Variants in DSCC1 observed in about 807,000 individuals in gnomAD.
DSCC1 encodes the protein DNA replication and sister chromatid cohesion 1.
In DSCC1, 32 loss-of-function variants were observed where a neutral mutation model predicts 48.2. The ratio of observed to expected loss-of-function variants is 0.66; its 90% CI spans 0.50 to 0.89. The LOEUF (loss-of-function observed/expected upper bound fraction) is 0.89, where lower values mean the gene tolerates loss of function less well. Ranked by LOEUF, DSCC1 falls within the 40% of genes least tolerant of loss-of-function variation. The pLI is 0.00. For missense variants in DSCC1, 421 were observed against 471.7 expected, an observed-to-expected ratio of 0.89 and a Z score of 1.00; for synonymous variants, 150 against 171.5, an observed-to-expected ratio of 0.87 and a Z score of 0.98.
chr8:119,843,811 C>T, intron 4 of DSCC1, 64 bp from the exon 5 acceptor site: 1 of 1,518,456 alleles, frequency 6.6e-7, no homozygotes, highest in Non-Finnish European at 8.9e-7. Context: ...GGTCTCAACT[C>T]TGTCACCCAA....
In DSCC1 at chr8:119,834,853, A is replaced by G. The variant is rs1160854501; in HGVS notation, c.*40T>C. ...TATTTTTCTTCTATCCAGCAACTTT[A>G]TAAAGCAACTTGAGTCCTGAAGAAA... is the stretch of plus-strand genomic sequence containing the variant. On this transcript the variant is annotated 3_prime_UTR_variant, in exon 9 of 9. Coordinates refer to ENST00000313655, the MANE Select transcript of DSCC1 (RefSeq NM_024094.3). 1.5e-6 allele frequency: 2 copies of G among 1,374,984 alleles called. No individual in the cohort carries two copies. The highest frequency in any genetic ancestry group is 1.0e-6 in the Non-Finnish European group (1 of 973,598). 85.2% of individuals were successfully genotyped at this position (1,374,984 alleles called of 1,614,324 possible).
intron 7 of DSCC1, among the ~76,000 whole-genome samples, chr8:119,840,842 G>A (rs1826756801): frequency 6.6e-6 from 1 of 151,696 alleles, no homozygotes. Flanking sequence ...AACCCAGGAG[G>A]CGGGGGTTGC....
At chr8:119,837,805 T>C (rs940374551) in intron 8 of DSCC1, among the ~76,000 whole-genome samples, 1 of 152,170 alleles carries the variant, frequency 6.6e-6, no homozygotes, top group Non-Finnish European at 1.5e-5. Context: ...AGAGGTGTGA[T>C]GCAGTGACAA....
intron 1 of DSCC1, among the ~76,000 whole-genome samples, chr8:119,854,275 AG>A (rs1024638451): frequency 6.6e-6 from 1 of 152,206 alleles, no homozygotes; most frequent in Non-Finnish European, 1.5e-5. Context: ...GAAAGGATGA[AG>A]GTGAAGCGGA....
In DSCC1 at chr8:119,855,848, G is replaced by T; in HGVS notation, c.-53C>A. On this transcript the variant is annotated 5_prime_UTR_variant, in exon 1 of 9. Coordinates refer to ENST00000313655, the MANE Select transcript of DSCC1 (RefSeq NM_024094.3). ...GCGCCCGGGTGGCTGCGGGCTTGGCGGGCAAGAAAGAAGTTCCCAAGCAGC... is the reference window on the plus strand; with the variant it reads ...GCGCCCGGGTGGCTGCGGGCTTGGCTGGCAAGAAAGAAGTTCCCAAGCAGC... 1 of 1,410,540 alleles carries T rather than the reference G, an allele frequency of 7.1e-7. No homozygotes were observed. The highest frequency in any genetic ancestry group is 2.9e-5 in the East Asian group (1 of 33,904). 87.4% of individuals were successfully genotyped at this position (1,410,540 alleles called of 1,614,324 possible). A position where few individuals can be genotyped will look rare whatever the true frequency, so the allele number is the denominator to read the frequency against.
Position 119,853,178 on chromosome 8 carries a change from G to A in DSCC1, c.220C>T (p.Leu74=). The A allele has an allele frequency of 1.9e-6, 3 of 1,612,714 alleles. No homozygotes were observed. The highest frequency in any genetic ancestry group is 2.5e-6 in the Non-Finnish European group (3 of 1,179,194). Residue 74 remains leucine (L), a synonymous_variant, in exon 2 of 9, where the codon CTG becomes TTG. Coordinates refer to ENST00000313655, the MANE Select transcript of DSCC1 (RefSeq NM_024094.3). ...TCGTATGTTTTGTCTTTACTGCACA[G>A]CACAGCTTGCTCGTCTTTATCACCA... is the stretch of plus-strand genomic sequence containing the variant. ...IRGDKDEQAV[L]CSKDKTYDLK... is the part of the protein sequence containing the mutation.
chr8:119,843,701 A>AT lies in DSCC1; in HGVS notation c.623dup (p.Asn208LysfsTer10). On this transcript the variant is annotated frameshift_variant, in exon 5 of 9. Coordinates refer to ENST00000313655, the MANE Select transcript of DSCC1 (RefSeq NM_024094.3). LOFTEE classifies it high-confidence loss of function. The stretch of plus-strand genomic sequence containing the variant: ...CAGAATCCACAAGCTGAGTTACATG[A>AT]TTCAGAAGTTTCATCTCATAATCAA... 6.2e-7 allele frequency: 1 copy of AT among 1,613,924 alleles called. No homozygotes were observed. Among genetic ancestry groups the AT allele is most frequent in the Non-Finnish European group, 8.5e-7 (1 of 1,179,986 alleles).
rs1225104219 is a variant in DSCC1 at position 119,838,290 on chromosome 8, A to G, written c.1042T>C (p.Trp348Arg). 2.5e-6 allele frequency: 4 copies of G among 1,603,414 alleles called. No individual in the cohort carries two copies. The African/African-American group carries it at 4.0e-5, about 16-fold the overall frequency. Residue 348 changes from tryptophan to arginine, a missense_variant, in exon 8 of 9, where the codon TGG becomes CGG. Physicochemically the swap from Trp to Arg is moderately radical, Grantham distance 101 (BLOSUM62 -3). Transcript: ENST00000313655. The part of the protein sequence containing the change: ...FNSLFSLREK[W>R]TEEDIAPYIQ... ...TATGGAGCAATATCTTCTTCTGTCC[A>G]CTTCTCCCTTAGAGAGAAAAGGCTA... is the stretch of plus-strand genomic sequence containing the variant.
Position 119,834,701 on chromosome 8 carries a change from A to G in DSCC1, c.*192T>C. ...TCCTTGTTTACACTGTGTACATAGT[A>G]CAAATATAATTTTAAAGCTACATCC... On this transcript the variant is annotated 3_prime_UTR_variant, in exon 9 of 9. Transcript: ENST00000313655. 1 of 566,206 alleles carries G rather than the reference A, an allele frequency of 1.8e-6. No homozygotes were observed. 35.1% of individuals were successfully genotyped at this position (566,206 alleles called of 1,614,324 possible).
chr8:119,834,307 ATTC>A lies in DSCC1; in HGVS notation c.*583_*585del, dbSNP rs1334010711. The A allele has an allele frequency of 2.6e-5, 4 of 152,468 alleles. No homozygotes were observed. In the East Asian group the frequency reaches 5.8e-4, roughly 22 times the overall value. 9.4% of individuals were successfully genotyped at this position (152,468 alleles called of 1,614,324 possible). A position where few individuals can be genotyped will look rare whatever the true frequency, so the allele number is the denominator to read the frequency against. On this transcript the variant is annotated 3_prime_UTR_variant, in exon 9 of 9. Transcript: ENST00000313655. ...TCGAGTGAGCATTGCCTGTGCCAGTATTCTTCATTATAGGATTATAAACTCGTT... is the reference window on the plus strand; with the variant it reads ...TCGAGTGAGCATTGCCTGTGCCAGTATTCATTATAGGATTATAAACTCGTT...
chr8:119,854,027 T>C (rs1360550878), intron 1 of DSCC1, among the ~76,000 whole-genome samples: 3 of 152,072 alleles, frequency 2.0e-5, no homozygotes, highest in Non-Finnish European at 1.5e-5. Context: ...CTGAGAAACA[T>C]AGCAAGACCC....
chr8:119,839,067 C>G (rs190694898), intron 7 of DSCC1: 11 of 152,246 alleles, frequency 7.2e-5, no homozygotes, highest in Admixed American at 5.9e-4. Context: ...GTTGATTACT[C>G]CTCCTCCTTT....
At position 119,841,849 on chromosome 8, in the gene DSCC1, T is replaced by C. The variant is rs149065924; in HGVS notation, c.869A>G (p.Glu290Gly). ...TTCAGGAACACTCTGCTGCCACACT[T>C]CTTGAAACTCAGCGAGATTGAATTT... is the stretch of plus-strand genomic sequence containing the variant. ...AVKFNLAEFQ[E>G]VWQQSVPEGM... The change falls in exon 7 of 9, where the codon GAA becomes GGA. Residue 290 changes from glutamate to glycine, a missense_variant. Transcript: ENST00000313655. The C allele has an allele frequency of 8.1e-6, 13 of 1,613,986 alleles. No individual in the cohort carries two copies. Among genetic ancestry groups the C allele is most frequent in the Non-Finnish European group, 1.1e-5 (13 of 1,180,004 alleles).
chr8:119,847,962 G>A (rs1210398514), intron 3 of DSCC1, among the ~76,000 whole-genome samples: 1 of 151,688 alleles, frequency 6.6e-6, no homozygotes, highest in African/African-American at 2.4e-5. Context: ...ACCCCGCCTG[G>A]CCTCTTTTTG....
At chr8:119,853,314 AAT>A in intron 1 of DSCC1, 99 bp from the exon 2 acceptor site, 1 of 1,262,388 alleles carries the variant, frequency 7.9e-7, no homozygotes, top group Non-Finnish European at 1.0e-6. Flanking sequence ...CAGAACTTAG[AAT>A]TAAGTTTTGA....
chr8:119,835,885 G>C (rs1177088167), intron 8 of DSCC1, among the ~76,000 whole-genome samples: 1 of 152,228 alleles, frequency 6.6e-6, no homozygotes, highest in Non-Finnish European at 1.5e-5. Flanking sequence ...ACGTGAGCTA[G>C]AGAAGGGGCA....
At chr8:119,853,288 A>C in intron 1 of DSCC1, 73 bp from the exon 2 acceptor site, 2 of 1,471,412 alleles carry the variant, frequency 1.4e-6, no homozygotes, top group South Asian at 1.4e-5. Context: ...AACAGTTCTC[A>C]AACCCTCTAG....
At chr8:119,854,278 T>C (rs1284896704) in intron 1 of DSCC1, among the ~76,000 whole-genome samples, 1 of 152,048 alleles carries the variant, frequency 6.6e-6, no homozygotes, top group Non-Finnish European at 1.5e-5. Context: ...AGGATGAAGG[T>C]GAAGCGGAGG....
At chr8:119,844,410 A>T (rs968775992) in intron 4 of DSCC1, among the ~76,000 whole-genome samples, 1 of 147,898 alleles carries the variant, frequency 6.8e-6, no homozygotes, top group Non-Finnish European at 1.5e-5. Context: ...CTGCATTCCA[A>T]CTTGGGCAAT....
Sources: allele counts gnomAD v4.1 joint callset (sites outside exome capture counted in the v4.1 genomes callset), GRCh38; gene constraint gnomAD v4.1.1; transcripts MANE v1.5; gene names NCBI Gene and HGNC (gene_info 2026-07-23, HGNC 2026-07-21).